The following ZNF66 variants were observed in gnomAD, a reference collection of about 807,000 sequenced individuals.
The protein encoded by ZNF66 is putative zinc finger protein 66.
Under a neutral mutation model 35.2 loss-of-function variants are expected in ZNF66, and 32 were observed. That is an observed-to-expected ratio of 0.91 (90% CI 0.69 to 1.22). The LOEUF is 1.22. ZNF66 is among the 50% of genes most tolerant of loss of function. The probability of loss-of-function intolerance (pLI) is 0.00; values close to 1 mark genes in which losing one functional copy is unlikely to be tolerated. For synonymous variants in ZNF66, 231 were observed against 181.3 expected, an observed-to-expected ratio of 1.27 and a Z score of -2.20; for missense variants, 666 against 543.1, an observed-to-expected ratio of 1.23 and a Z score of -2.25.
intron 3 of ZNF66, among the ~76,000 whole-genome samples, chr19:20,801,581 G>GTT (rs1971447575): frequency 2.0e-5 from 3 of 152,046 alleles, no homozygotes. Flanking sequence ...CTGACCTCAG[G>GTT]TAACCTGCCC....
At chr19:20,786,717 A>G (rs1239772705) in intron 1 of ZNF66, among the ~76,000 whole-genome samples, 1 of 152,248 alleles carries the variant, frequency 6.6e-6, no homozygotes, top group Non-Finnish European at 1.5e-5. Context: ...CTATTGGCAC[A>G]AGTAGCTATA....
chr19:20,789,104 G>T (rs542883163), intron 1 of ZNF66, among the ~76,000 whole-genome samples: 1 of 151,930 alleles, frequency 6.6e-6, no homozygotes, highest in Non-Finnish European at 1.5e-5. Context: ...TTTAAATTGC[G>T]TATTAGTATG....
chr19:20,778,192 C>T (rs1429769179), intron 1 of ZNF66, among the ~76,000 whole-genome samples: 1 of 152,102 alleles, frequency 6.6e-6, no homozygotes, highest in African/African-American at 2.4e-5. Flanking sequence ...CTCTGCCTCC[C>T]AGGTTCAAGC....
Position 20,805,989 on chromosome 19 carries a change from A to G in ZNF66, c.389A>G (p.Tyr130Cys), listed in dbSNP as rs2144918921. The G allele has an allele frequency of 1.3e-6, 1 of 785,156 alleles. No individual in the cohort carries two copies. The highest frequency in any genetic ancestry group is 2.2e-6 in the Non-Finnish European group (1 of 448,876). The allele number at this position is 785,156 out of a possible 1,614,324, so 48.6% of individuals were successfully genotyped here. A position where few individuals can be genotyped will look rare whatever the true frequency, so the allele number is the denominator to read the frequency against. The change falls in exon 4 of 4, where the codon TAT (tyrosine) becomes TGT (cysteine). Residue 130 changes from tyrosine to cysteine, a missense_variant. By Grantham distance (194) the Tyr-to-Cys change is radical (BLOSUM62 -2). Transcript: ENST00000344519. The stretch of plus-strand genomic sequence containing the variant: ...AAGTGTAAAGTGCACAAAAGAGGTT[A>G]TAATGGACTTAACCAATGTTTGACA... ...VDKCKVHKRG[Y>C]NGLNQCLTTT...
chr19:20,804,995 C>T (rs1971485599), intron 3 of ZNF66, among the ~76,000 whole-genome samples: 1 of 152,048 alleles, frequency 6.6e-6, no homozygotes, highest in Non-Finnish European at 1.5e-5. Flanking sequence ...CATTTTATGT[C>T]ATGGGAGACA....
intron 1 of ZNF66, among the ~76,000 whole-genome samples, chr19:20,785,751 G>GTTTTTTTTTTTT (rs1171317364): frequency 1.3e-5 from 2 of 148,634 alleles, no homozygotes; most frequent in African/African-American, 5.0e-5. Flanking sequence ...TTCTTTTTCT[G>GTTTTTTTTTTTT]TTTTTGTTTG....
At chr19:20,791,194 G>C (rs1971333372) in intron 1 of ZNF66, among the ~76,000 whole-genome samples, 2 of 152,066 alleles carry the variant, frequency 1.3e-5, no homozygotes, top group South Asian at 4.1e-4. Context: ...TTAAGGAATT[G>C]CTTATTTAGG....
At chr19:20,777,114 TAAAAA>T (rs767934089) in intron 1 of ZNF66, among the ~76,000 whole-genome samples, 1 of 95,026 alleles carries the variant, frequency 1.1e-5, no homozygotes, top group Non-Finnish European at 2.1e-5. Context: ...GACTCTTGTC[TAAAAA>T]AAAAAAAAAA....
intron 1 of ZNF66, among the ~76,000 whole-genome samples, chr19:20,790,863 G>A (rs1971330851): frequency 6.6e-6 from 1 of 152,102 alleles, no homozygotes; most frequent in South Asian, 2.1e-4. Flanking sequence ...CTCTACTTGT[G>A]TTTTTCCTCC....
intron 1 of ZNF66, among the ~76,000 whole-genome samples, chr19:20,782,328 T>G (rs1971252468): frequency 6.6e-6 from 1 of 152,238 alleles, no homozygotes; most frequent in Non-Finnish European, 1.5e-5. Flanking sequence ...AGTGCTGCAG[T>G]GAACATGCAT....
rs556767115 is a variant in ZNF66 at position 20,807,910 on chromosome 19, C to G, written c.*588C>G. On this transcript the variant is annotated 3_prime_UTR_variant, in exon 4 of 4. Transcript: ENST00000344519. ...GTGCATGAGCTGAAGCAGGGCGAGG[C>G]ATTGCCTCACTCACGAAGCGCAAGG... is the stretch of plus-strand genomic sequence containing the variant. Among the ~76,000 whole-genome samples the G allele has an allele frequency of 1.3e-5, 2 of 152,322 alleles. No individual in the cohort carries two copies. Among genetic ancestry groups the G allele is most frequent in the African/African-American group, 2.4e-5 (1 of 41,570 alleles).
chr19:20,799,065 C>CTTTTTTTTTTTTTTT (rs746296804), intron 3 of ZNF66: 2 of 128,154 alleles, frequency 1.6e-5, no homozygotes, highest in East Asian at 2.1e-4. Flanking sequence ...TTCTTTCTTT[C>CTTTTTTTTTTTTTTT]TTTTTTTTTT....
At chr19:20,779,278 A>G (rs1374612324) in intron 1 of ZNF66, among the ~76,000 whole-genome samples, 1 of 152,210 alleles carries the variant, frequency 6.6e-6, no homozygotes, top group South Asian at 2.1e-4. Context: ...TAAGATCTTT[A>G]TGGCTTGCAA....
intron 1 of ZNF66, among the ~76,000 whole-genome samples, chr19:20,778,092 ATTATT>A (rs1222058309): frequency 6.6e-6 from 1 of 152,048 alleles, no homozygotes; most frequent in Non-Finnish European, 1.5e-5. Context: ...TTTTTACTAC[ATTATT>A]TTATTTATTT....
At chr19:20,777,042 G>C (rs1214978303) in intron 1 of ZNF66, among the ~76,000 whole-genome samples, 5 of 151,466 alleles carry the variant, frequency 3.3e-5, no homozygotes, top group Non-Finnish European at 7.4e-5. Context: ...TTGAACCCGG[G>C]AGGCGGAGGT....
At position 20,793,767 on chromosome 19, in the gene ZNF66, A is replaced by G. The variant is rs942571894; in HGVS notation, c.131-16A>G. The G allele has an allele frequency of 5.5e-6, 5 of 907,874 alleles. No individual in the cohort carries two copies. Among genetic ancestry groups the G allele is most frequent in the African/African-American group, 5.2e-5 (3 of 58,026 alleles). 56.2% of individuals were successfully genotyped at this position (907,874 alleles called of 1,614,324 possible). A position where few individuals can be genotyped will look rare whatever the true frequency, so the allele number is the denominator to read the frequency against. ...AATGTGAGCAAGATTCATGTTATTT[A>G]TTTTTGATAAAACAGGTATTGTTGT... is the stretch of plus-strand genomic sequence containing the variant. On this transcript the variant is annotated splice_polypyrimidine_tract_variant and intron_variant, in intron 2 of 3. Transcript: ENST00000344519.
At chr19:20,797,181 C>G (rs1599552112) in intron 3 of ZNF66, among the ~76,000 whole-genome samples, 2 of 124,570 alleles carry the variant, frequency 1.6e-5, no homozygotes, top group African/African-American at 5.8e-5. Context: ...ATCAATGTTG[C>G]ATGCTAGATT....
Position 20,807,198 on chromosome 19 carries a change from G to T in ZNF66, c.1598G>T (p.Gly533Val). 1.4e-6 allele frequency: 1 copy of T among 732,798 alleles called. No homozygotes were observed. Among genetic ancestry groups the T allele is most frequent in the Non-Finnish European group, 2.4e-6 (1 of 413,004 alleles). 45.4% of individuals were successfully genotyped at this position (732,798 alleles called of 1,614,324 possible). Residue 533 changes from glycine to valine, a missense_variant, in exon 4 of 4, where the codon GGA (glycine) becomes GTA (valine). Transcript: ENST00000344519. ...TLTRHKKIHT[G>V]GKPHKCNKCG... is the part of the protein sequence containing the mutation. The stretch of plus-strand genomic sequence containing the variant: ...ACTAGACATAAGAAAATTCATACTG[G>T]AGGGAAACCACACAAGTGCAATAAA...
intron 1 of ZNF66, among the ~76,000 whole-genome samples, chr19:20,791,739 G>A (rs958746645): frequency 1.3e-5 from 2 of 152,032 alleles, no homozygotes; most frequent in African/African-American, 4.8e-5. Flanking sequence ...TAGTGATGCT[G>A]TATTCTTCTG....
Sources: allele counts gnomAD v4.1 joint callset (sites outside exome capture counted in the v4.1 genomes callset), GRCh38; gene constraint gnomAD v4.1.1; transcripts MANE v1.5; gene names NCBI Gene and HGNC (gene_info 2026-07-23, HGNC 2026-07-21).